Variants in WDR11 observed in about 807,000 individuals in gnomAD.
WDR11 encodes WD repeat domain 11, also known as WD repeat-containing protein 11.
In WDR11, 83 loss-of-function variants were observed where a neutral mutation model predicts 151.2. That is an observed-to-expected ratio of 0.55 (90% confidence interval 0.46 to 0.66). The LOEUF (loss-of-function observed/expected upper bound fraction) is 0.66, where lower values mean the gene tolerates loss of function less well. WDR11 is among the 30% of genes least tolerant of loss of function. The pLI is 0.00. For missense variants in WDR11, 1,301 were observed against 1,480.9 expected (o/e 0.88, Z 1.99); for synonymous variants, 484 against 533.1 (o/e 0.91, Z 1.27).
chr10:120,904,912 G>A, intron 25 of WDR11, 101 bp downstream of exon 25: 1 of 1,399,332 alleles, frequency 7.1e-7, no homozygotes, highest in Admixed American at 1.8e-5. Context: ...TTTTACATAT[G>A]CTGAAGAAAA....
rs756566377 is a variant in WDR11, at chr10:120,883,743, C to CA, written c.1740-32dup. 66 of 1,599,520 alleles carry CA rather than the reference C, an allele frequency of 4.1e-5. No individual in the cohort carries two copies. In the African/African-American group the frequency reaches 8.3e-4, roughly 20 times the overall value. ...GCTCTAATTCATGGTGAAATTTTTG[C>CA]AAAAAGGGGCTTATTTAGTAATTTT... On this transcript the variant is annotated intron_variant, in intron 13 of 28. Transcript: ENST00000263461.
chr10:120,864,935 A>C, intron 5 of WDR11, 112 bp from the exon 6 acceptor site: 1 of 1,284,148 alleles, frequency 7.8e-7, no homozygotes, highest in Non-Finnish European at 1.1e-6. Flanking sequence ...ACTTCAGGGA[A>C]TAGTTGTACA....
chr10:120,875,315 T>G (rs1254157), intron 11 of WDR11, among the ~76,000 whole-genome samples: 8,539 of 152,312 alleles, frequency 0.056, 295 homozygotes, highest in Non-Finnish European at 0.065. Context: ...GGACATGATC[T>G]GCTTATGAGT....
intron 2 of WDR11, among the ~76,000 whole-genome samples, chr10:120,856,881 C>G (rs905082454): frequency 3.3e-5 from 5 of 152,130 alleles, no homozygotes; most frequent in African/African-American, 1.2e-4. Flanking sequence ...GTTGTATACA[C>G]TGAATTAGTG....
At position 120,907,545 on chromosome 10, in the gene WDR11, C is replaced by T. The variant is rs188923835; in HGVS notation, c.3517+690C>T. 2.0e-5 allele frequency: 3 copies of T among 152,146 alleles called. No homozygotes were observed. In the East Asian group the frequency reaches 5.8e-4, roughly 29 times the overall value. The allele number at this position is 152,146 out of a possible 1,614,324, so 9.4% of individuals were successfully genotyped here. On this transcript the variant is annotated intron_variant, in intron 28 of 28. Transcript: ENST00000263461. ...ATTCTTACATTTGCTCTCATTTCTACATGGCAGGTACTTGGTTCTCTCTCT... is the reference window on the plus strand; with the variant it reads ...ATTCTTACATTTGCTCTCATTTCTATATGGCAGGTACTTGGTTCTCTCTCT...
chr10:120,882,765 AACT>A (rs1209203473), intron 13 of WDR11, among the ~76,000 whole-genome samples: 26 of 151,940 alleles, frequency 1.7e-4, no homozygotes, highest in Admixed American at 8.5e-4. Flanking sequence ...TTTTCCAAGA[AACT>A]ACTTTTGATT....
intron 19 of WDR11, among the ~76,000 whole-genome samples, chr10:120,897,376 G>A (rs1458824962): frequency 1.3e-5 from 2 of 152,148 alleles, no homozygotes; most frequent in Non-Finnish European, 2.9e-5. Flanking sequence ...AAGGATGTTT[G>A]AGAATAGGAA....
chr10:120,862,253 C>T (rs1392484911), intron 4 of WDR11, among the ~76,000 whole-genome samples: 1 of 151,796 alleles, frequency 6.6e-6, no homozygotes, highest in Non-Finnish European at 1.5e-5. Flanking sequence ...GATTCTCCTG[C>T]CTCACTCTCC....
Position 120,865,649 on chromosome 10 carries a change from G to A in WDR11, c.899G>A (p.Arg300His), listed in dbSNP as rs377167358. ...PFLQVIPCFQ[R>H]DGLFCLHENG... ...TTAAAGGTAATACCCTGCTTTCAGC[G>A]TGATGGTTTATTTTGTCTACATGAA... The change falls in exon 7 of 29, where the codon CGT becomes CAT. Residue 300 changes from arginine to histidine, a missense_variant. Physicochemically the swap from Arg to His is conservative, Grantham distance 29. Transcript: ENST00000263461. 49 of 1,609,638 alleles carry A rather than the reference G, an allele frequency of 3.0e-5. 1 individual carries two copies. In the East Asian group the frequency reaches 3.8e-4, roughly 12 times the overall value.
In WDR11 at chr10:120,852,561, C is replaced by T; in HGVS notation, c.124C>T (p.Leu42Phe). The T allele has an allele frequency of 6.2e-7, 1 of 1,614,040 alleles. No homozygotes were observed. The highest frequency in any genetic ancestry group is 8.5e-7 in the Non-Finnish European group (1 of 1,179,974). ...QGLIAYGCHS[L>F]VVVIDSITAQ... ...TTTAATTGCTTATGGATGTCATTCA[C>T]TTGTGGTAGTGATTGATTCCATTAC... The change falls in exon 2 of 29, where the codon CTT (leucine) becomes TTT (phenylalanine). Residue 42 changes from leucine to phenylalanine, a missense_variant. By Grantham distance (22) the Leu-to-Phe change is conservative. Transcript: ENST00000263461.
intron 14 of WDR11, among the ~76,000 whole-genome samples, chr10:120,885,286 T>TAC (rs5788451): frequency 2.0e-3 from 293 of 147,460 alleles, no homozygotes; most frequent in South Asian, 8.4e-3. Context: ...TATATATATA[T>TAC]ACACACACAC....
At chr10:120,906,714 T>C in intron 27 of WDR11, 62 bp from the exon 28 acceptor site, 1 of 1,613,790 alleles carries the variant, frequency 6.2e-7, no homozygotes, top group South Asian at 1.1e-5. Context: ...TACCCTTCGA[T>C]GCTGCTGCCC....
intron 25 of WDR11, 103 bp downstream of exon 25, chr10:120,904,914 T>C (rs1173305627): frequency 1.5e-6 from 2 of 1,356,410 alleles, no homozygotes; most frequent in Non-Finnish European, 1.0e-6. Context: ...TTACATATGC[T>C]GAAGAAAAAT....
intron 22 of WDR11, among the ~76,000 whole-genome samples, chr10:120,902,776 A>C (rs528651802): frequency 6.6e-6 from 1 of 152,222 alleles, no homozygotes; most frequent in East Asian, 1.9e-4. Flanking sequence ...CCACATTGAA[A>C]GGTGTGCTAA....
In WDR11 at chr10:120,885,756, C is replaced by T. The variant is rs201662735; in HGVS notation, c.1849-58C>T. The T allele has an allele frequency of 1.8e-5, 29 of 1,607,076 alleles. 1 individual carries two copies. The highest frequency in any genetic ancestry group is 6.7e-5 in the African/African-American group (5 of 74,734). ...GGTGTGTGTGCCCAGCTCTTCTGGA[C>T]GATTCTTTGACAGAAGGAAACCTAG... is the stretch of plus-strand genomic sequence containing the variant. On this transcript the variant is annotated intron_variant, in intron 14 of 28. Transcript: ENST00000263461.
At chr10:120,889,338 T>G in intron 17 of WDR11, 154 bp downstream of exon 17, 1 of 625,724 alleles carries the variant, frequency 1.6e-6, no homozygotes, top group Non-Finnish European at 2.9e-6. Flanking sequence ...CCCGGGTTCA[T>G]GCCATTCTCC....
At chr10:120,906,703 A>G (rs1231573676) in intron 27 of WDR11, 73 bp from the exon 28 acceptor site, 1 of 1,612,936 alleles carries the variant, frequency 6.2e-7, no homozygotes, top group African/African-American at 1.3e-5. Context: ...AAATGTCTTT[A>G]TACCCTTCGA....
intron 21 of WDR11, among the ~76,000 whole-genome samples, chr10:120,901,762 ATAGATT>A (rs1447813658): frequency 6.6e-6 from 1 of 152,238 alleles, no homozygotes; most frequent in Non-Finnish European, 1.5e-5. Flanking sequence ...ATGGGAAACT[ATAGATT>A]TAAAGAATGT....
At chr10:120,889,260 T>C in intron 17 of WDR11, 76 bp downstream of exon 17, 3 of 1,214,548 alleles carry the variant, frequency 2.5e-6, no homozygotes, top group Non-Finnish European at 3.6e-6. Flanking sequence ...TTTGTTGAGA[T>C]GGTGTCTTGC....
Sources: gnomAD v4.1 joint callset for allele counts (sites outside exome capture counted in the v4.1 genomes callset) on GRCh38, gnomAD v4.1.1 for gene constraint, MANE v1.5 for transcripts, NCBI Gene and HGNC (gene_info 2026-07-23, HGNC 2026-07-21) for gene names.